The following CENPVL3 variants were observed in gnomAD, a reference collection of about 807,000 sequenced individuals.
CENPVL3 encodes the protein centromere protein V like 3, also known as centromere protein V-like protein 3.
At position 51,618,569 on chromosome X, in the gene CENPVL3, C is replaced by A. The variant is rs1922333507; in HGVS notation, c.305G>T (p.Arg102Leu). Residue 102 changes from arginine to leucine, a missense_variant, in exon 1 of 1, where the codon CGC becomes CTC. By Grantham distance (102) the Arg-to-Leu change is moderately radical. Transcript: ENST00000417339. Reference sequence around the variant, plus strand: ...CCACAGTTTCCTGAACGTCTCCCAGCGCTCCCGCTGTGCGCCCAGGTCCAG... The same window carrying A: ...CCACAGTTTCCTGAACGTCTCCCAGAGCTCCCGCTGTGCGCCCAGGTCCAG... ...KELDLGAQRE[R>L]WETFRKLWGL... is the part of the protein sequence containing the mutation. The A allele has an allele frequency of 3.4e-6, 1 of 296,925 alleles. No individual in the cohort carries two copies. The highest frequency in any genetic ancestry group is 5.9e-6 in the Non-Finnish European group (1 of 170,161). The allele number at this position is 296,925 out of a possible 1,213,427, so 24.5% of individuals were successfully genotyped here.
chrX:51,618,805 G>C lies in CENPVL3; in HGVS notation c.69C>G (p.Ala23=). Residue 23 remains alanine (A), a synonymous_variant, in exon 1 of 1, where the codon GCC becomes GCG. Transcript: ENST00000417339. ...RRRKRPGDPP[A]ACAAIAVMGA... Reference sequence around the variant, plus strand: ...CCATGACCGCGATGGCCGCGCAGGCGGCGGGAGGATCCCCGGGCCGCTTTC... The same window carrying C: ...CCATGACCGCGATGGCCGCGCAGGCCGCGGGAGGATCCCCGGGCCGCTTTC... The C allele has an allele frequency of 3.4e-6, 1 of 297,731 alleles. No homozygotes were observed. Among genetic ancestry groups the C allele is most frequent in the Non-Finnish European group, 5.9e-6 (1 of 170,071 alleles). The allele number at this position is 297,731 out of a possible 1,213,427, so 24.5% of individuals were successfully genotyped here.
rs1486572404 is a variant in CENPVL3, at chrX:51,617,362, A to G, written c.*693T>C. 6 of 111,993 alleles carry G rather than the reference A, an allele frequency of 5.4e-5. No individual in the cohort carries two copies. The highest frequency in any genetic ancestry group is 2.8e-4 in the Admixed American group (3 of 10,567). 9.2% of individuals were successfully genotyped at this position (111,993 alleles called of 1,213,427 possible). A position where few individuals can be genotyped will look rare whatever the true frequency, so the allele number is the denominator to read the frequency against. On this transcript the variant is annotated 3_prime_UTR_variant, in exon 1 of 1. Transcript: ENST00000417339. ...TTACACATGTATAAGATAGGTATTT[A>G]GAAAGATTAAAGAGGGCATACAGCA...
In CENPVL3 at chrX:51,617,241, T is replaced by C. The variant is rs782156910; in HGVS notation, c.*814A>G. 3.3e-4 allele frequency: 37 copies of C among 112,207 alleles called. No homozygotes were observed. The highest frequency in any genetic ancestry group is 1.2e-3 in the African/African-American group (36 of 30,928). 9.2% of individuals were successfully genotyped at this position (112,207 alleles called of 1,213,427 possible). On this transcript the variant is annotated 3_prime_UTR_variant, in exon 1 of 1. Transcript: ENST00000417339. ...CTGATTGTTTGATAAAAATTTCAGA[T>C]ACCAAGAATTACATATAAATTAGAG...
rs782298990 is a variant in CENPVL3, at chrX:51,617,737, T to A, written c.*318A>T. 1.6e-5 allele frequency: 3 copies of A among 183,137 alleles called. No individual in the cohort carries two copies. In the South Asian group the frequency reaches 1.0e-3, roughly 61 times the overall value. The allele number at this position is 183,137 out of a possible 1,213,427, so 15.1% of individuals were successfully genotyped here. A position where few individuals can be genotyped will look rare whatever the true frequency, so the allele number is the denominator to read the frequency against. Reference sequence around the variant, plus strand: ...AGGAACGTACAGTACACAGGAATCATCTGCAGGTGATTTGTGACAACTGTA... The same window carrying A: ...AGGAACGTACAGTACACAGGAATCAACTGCAGGTGATTTGTGACAACTGTA... On this transcript the variant is annotated 3_prime_UTR_variant, in exon 1 of 1. Transcript: ENST00000417339.
At position 51,617,105 on chromosome X, in the gene CENPVL3, A is replaced by T. The variant is rs781949122; in HGVS notation, c.*950T>A. On this transcript the variant is annotated 3_prime_UTR_variant, in exon 1 of 1. Transcript: ENST00000417339. ...ATTATTACACTGAAAGTTGGAAAAA[A>T]GCTAAACATCCATCAGAGGAGGTTG... 1 of 111,981 alleles carries T rather than the reference A, an allele frequency of 8.9e-6. No homozygotes were observed. Among genetic ancestry groups the T allele is most frequent in the South Asian group, 3.8e-4 (1 of 2,655 alleles). 9.2% of individuals were successfully genotyped at this position (111,981 alleles called of 1,213,427 possible). A position where few individuals can be genotyped will look rare whatever the true frequency, so the allele number is the denominator to read the frequency against.
Position 51,618,783 on chromosome X carries a change from T to A in CENPVL3, c.91A>T (p.Met31Leu). The A allele has an allele frequency of 3.4e-6, 1 of 297,430 alleles. No individual in the cohort carries two copies. 24.5% of individuals were successfully genotyped at this position (297,430 alleles called of 1,213,427 possible). A position where few individuals can be genotyped will look rare whatever the true frequency, so the allele number is the denominator to read the frequency against. The change falls in exon 1 of 1, where the codon ATG becomes TTG. Residue 31 changes from methionine to leucine, a missense_variant. By Grantham distance (15) the Met-to-Leu change is conservative. Coordinates refer to ENST00000417339, the MANE Select transcript of CENPVL3 (RefSeq NM_001355276.2). The stretch of plus-strand genomic sequence containing the variant: ...GGGCACTGCGCGCGGCTGGCGCCCA[T>A]GACCGCGATGGCCGCGCAGGCGGCG... Reference protein sequence around the residue: ...PPAACAAIAVMGASRAQCPRV... With the variant: ...PPAACAAIAVLGASRAQCPRV...
chrX:51,618,841 C>T lies in CENPVL3; in HGVS notation c.33G>A (p.Gln11=). The T allele has an allele frequency of 3.4e-6, 1 of 298,036 alleles. No homozygotes were observed. Among genetic ancestry groups the T allele is most frequent in the East Asian group, 4.7e-5 (1 of 21,055 alleles). 24.6% of individuals were successfully genotyped at this position (298,036 alleles called of 1,213,427 possible). A position where few individuals can be genotyped will look rare whatever the true frequency, so the allele number is the denominator to read the frequency against. The change falls in exon 1 of 1, where the codon CAG becomes CAA. Residue 11 remains glutamine (Q), a synonymous_variant. Transcript: ENST00000417339. MGRVRNRATA[Q]RRRRKRPGDP... Reference sequence around the variant, plus strand: ...CCCCGGGCCGCTTTCGCCTCCGCCGCTGAGCAGTGGCGCGGTTCCTCACTC... The same window carrying T: ...CCCCGGGCCGCTTTCGCCTCCGCCGTTGAGCAGTGGCGCGGTTCCTCACTC...
rs3098496 is a variant in CENPVL3 at position 51,617,671 on chromosome X, C to G, written c.*384G>C. The G allele has an allele frequency of 0.1, 13,780 of 136,862 alleles. 686 individuals carry two copies. The highest frequency in any genetic ancestry group is 0.14 in the Middle Eastern group (46 of 337). The allele number at this position is 136,862 out of a possible 1,213,427, so 11.3% of individuals were successfully genotyped here. A position where few individuals can be genotyped will look rare whatever the true frequency, so the allele number is the denominator to read the frequency against. On this transcript the variant is annotated 3_prime_UTR_variant, in exon 1 of 1. Coordinates refer to ENST00000417339, the MANE Select transcript of CENPVL3 (RefSeq NM_001355276.2). ...GTGTGTTGCCGTCCTACACACCAGA[C>G]GCAAAGCGCTGAAAACAACAAGCCT...
Position 51,618,664 on chromosome X carries a change from C to G in CENPVL3, c.210G>C (p.Ala70=), listed in dbSNP as rs1335284111. The change falls in exon 1 of 1, where the codon GCG becomes GCC. Residue 70 remains alanine (A), a synonymous_variant. Coordinates refer to ENST00000417339, the MANE Select transcript of CENPVL3 (RefSeq NM_001355276.2). ...CGGAGGGCAGCGGATCTCTGGAGCC[C>G]GCCTCCCGGGCCCGCCGCCACCGGC... is the stretch of plus-strand genomic sequence containing the variant. ...RKRRWRRARE[A]GSRDPLPSAP... The G allele has an allele frequency of 3.4e-6, 1 of 297,653 alleles. No individual in the cohort carries two copies. Among genetic ancestry groups the G allele is most frequent in the Non-Finnish European group, 5.9e-6 (1 of 170,067 alleles). 24.5% of individuals were successfully genotyped at this position (297,653 alleles called of 1,213,427 possible). A position where few individuals can be genotyped will look rare whatever the true frequency, so the allele number is the denominator to read the frequency against.
In CENPVL3 at chrX:51,617,551, AAGT is replaced by A. The variant is rs1396274691; in HGVS notation, c.*501_*503del. 8.7e-6 allele frequency: 1 copy of A among 114,416 alleles called. No individual in the cohort carries two copies. Among genetic ancestry groups the A allele is most frequent in the Non-Finnish European group, 1.8e-5 (1 of 54,854 alleles). The allele number at this position is 114,416 out of a possible 1,213,427, so 9.4% of individuals were successfully genotyped here. A position where few individuals can be genotyped will look rare whatever the true frequency, so the allele number is the denominator to read the frequency against. On this transcript the variant is annotated 3_prime_UTR_variant, in exon 1 of 1. Coordinates refer to ENST00000417339, the MANE Select transcript of CENPVL3 (RefSeq NM_001355276.2). ...ATAAAAAACACTAGATAACTGGACT[AAGT>A]AGTGCAAACGTGAATGTCTATCTAA...
chrX:51,618,610 G>C lies in CENPVL3; in HGVS notation c.264C>G (p.Ala88=), dbSNP rs782064503. Residue 88 remains alanine, a synonymous_variant, in exon 1 of 1, where the codon GCC becomes GCG. Coordinates refer to ENST00000417339, the MANE Select transcript of CENPVL3 (RefSeq NM_001355276.2). ...SAPLPDPPAP[A]ESPKELDLGA... ...CCAGGTCCAGCTCCTTAGGGGACTC[G>C]GCGGGCGCCGGCGGGTCCGGGAGTG... 3.0e-5 allele frequency: 9 copies of C among 296,626 alleles called. No individual in the cohort carries two copies. In the South Asian group the frequency reaches 1.0e-3, roughly 33 times the overall value. 24.4% of individuals were successfully genotyped at this position (296,626 alleles called of 1,213,427 possible).
Position 51,618,254 on chromosome X carries a change from T to C in CENPVL3, c.620A>G (p.Gln207Arg), listed in dbSNP as rs1922325349. The change falls in exon 1 of 1, where the codon CAG becomes CGG. Residue 207 changes from glutamine (Q) to arginine (R), a missense_variant. By Grantham distance (43) the Gln-to-Arg change is conservative. Transcript: ENST00000417339. ...GTCAGAGACAGCTGCGTGGAAACTC[T>C]GCACCCCGCACCTGCTGCAGAAGCT... ...LHSFCSRCGV[Q>R]SFHAAVSDPR... The C allele has an allele frequency of 4.0e-6, 1 of 252,583 alleles. No homozygotes were observed. Among genetic ancestry groups the C allele is most frequent in the Non-Finnish European group, 6.5e-6 (1 of 154,033 alleles). The allele number at this position is 252,583 out of a possible 1,213,427, so 20.8% of individuals were successfully genotyped here.
Position 51,618,734 on chromosome X carries a change from C to T in CENPVL3, c.140G>A (p.Ser47Asn), listed in dbSNP as rs1468852263. Residue 47 changes from serine (S) to asparagine (N), a missense_variant, in exon 1 of 1, where the codon AGC (serine) becomes AAC (asparagine). Ser to Asn is a conservative substitution (Grantham distance 46). Coordinates refer to ENST00000417339, the MANE Select transcript of CENPVL3 (RefSeq NM_001355276.2). ...QCPRVQVGVG[S>N]HAAAKRWLGK... ...CAGCCACCTCTTGGCCGCCGCGTGG[C>T]TCCCGACCCCGACTTGGACCCGGGG... 6.7e-6 allele frequency: 2 copies of T among 296,493 alleles called. No homozygotes were observed. Among genetic ancestry groups the T allele is most frequent in the Middle Eastern group, 8.7e-4 (1 of 1,152 alleles). The allele number at this position is 296,493 out of a possible 1,213,427, so 24.4% of individuals were successfully genotyped here.
chrX:51,617,211 C>T lies in CENPVL3; in HGVS notation c.*844G>A, dbSNP rs1922301389. 1 of 111,713 alleles carries T rather than the reference C, an allele frequency of 9.0e-6. No individual in the cohort carries two copies. Among genetic ancestry groups the T allele is most frequent in the East Asian group, 2.8e-4 (1 of 3,567 alleles). 9.2% of individuals were successfully genotyped at this position (111,713 alleles called of 1,213,427 possible). A position where few individuals can be genotyped will look rare whatever the true frequency, so the allele number is the denominator to read the frequency against. On this transcript the variant is annotated 3_prime_UTR_variant, in exon 1 of 1. Transcript: ENST00000417339. Reference sequence around the variant, plus strand: ...TAATACTGATATGTATCATTGAACCCACCACTGATTGTTTGATAAAAATTT... The same window carrying T: ...TAATACTGATATGTATCATTGAACCTACCACTGATTGTTTGATAAAAATTT...
Position 51,618,393 on chromosome X carries a change from G to C in CENPVL3, c.481C>G (p.Leu161Val). Residue 161 changes from leucine (L) to valine (V), a missense_variant, in exon 1 of 1, where the codon CTG becomes GTG. Leu to Val is a conservative substitution (Grantham distance 32). Transcript: ENST00000417339. ...TGGCGGTGCTGCTTCTTCCTGCACA[G>C]CCTGCAGCTGCAATCCACGACGCGC... ...DLRVVDCSCR[L>V]CRKKQHRHFL... The C allele has an allele frequency of 3.5e-6, 1 of 283,142 alleles. No homozygotes were observed. The highest frequency in any genetic ancestry group is 2.4e-4 in the South Asian group (1 of 4,172). The allele number at this position is 283,142 out of a possible 1,213,427, so 23.3% of individuals were successfully genotyped here.
In CENPVL3 at chrX:51,617,442, A is replaced by T. The variant is rs1423294866; in HGVS notation, c.*613T>A. The T allele has an allele frequency of 8.9e-6, 1 of 112,026 alleles. No individual in the cohort carries two copies. The highest frequency in any genetic ancestry group is 3.3e-5 in the African/African-American group (1 of 30,748). The allele number at this position is 112,026 out of a possible 1,213,427, so 9.2% of individuals were successfully genotyped here. On this transcript the variant is annotated 3_prime_UTR_variant, in exon 1 of 1. Coordinates refer to ENST00000417339, the MANE Select transcript of CENPVL3 (RefSeq NM_001355276.2). ...CTCCTTTCCCAGAGACAGTTTCTAA[A>T]ACAAAACTGAGGAAAATACTAACAT... is the stretch of plus-strand genomic sequence containing the variant.
rs1208347991 is a variant in CENPVL3 at position 51,618,472 on chromosome X, G to A, written c.402C>T (p.Thr134=). Residue 134 remains threonine, a synonymous_variant, in exon 1 of 1, where the codon ACC becomes ACT. Transcript: ENST00000417339. ...GGACCGCGCCGCAGTGGCAGCCCCC[G>A]GTGTGATGCACGAGGCCCGGGTACT... ...TFEYPGLVHH[T]GGCHCGAVRF... is the part of the protein sequence containing the mutation. The A allele has an allele frequency of 3.4e-6, 1 of 291,735 alleles. No individual in the cohort carries two copies. The highest frequency in any genetic ancestry group is 2.8e-5 in the African/African-American group (1 of 35,336). The allele number at this position is 291,735 out of a possible 1,213,427, so 24.0% of individuals were successfully genotyped here.
In CENPVL3 at chrX:51,617,643, T is replaced by G. The variant is rs7892235; in HGVS notation, c.*412A>C. 0.026 allele frequency: 3,362 copies of G among 130,386 alleles called. 117 individuals carry two copies. Among genetic ancestry groups the G allele is most frequent in the African/African-American group, 0.099 (3,125 of 31,495 alleles). 10.7% of individuals were successfully genotyped at this position (130,386 alleles called of 1,213,427 possible). On this transcript the variant is annotated 3_prime_UTR_variant, in exon 1 of 1. Transcript: ENST00000417339. ...CGTCCTAGCACATGTTTACAAACTG[T>G]TTGTGTGTTGCCGTCCTACACACCA...
Position 51,618,617 on chromosome X carries a change from G to C in CENPVL3, c.257C>G (p.Ala86Gly), listed in dbSNP as rs1318638998. The C allele has an allele frequency of 2.0e-5, 6 of 296,676 alleles. No homozygotes were observed. The highest frequency in any genetic ancestry group is 8.8e-4 in the Middle Eastern group (1 of 1,131). 24.4% of individuals were successfully genotyped at this position (296,676 alleles called of 1,213,427 possible). A position where few individuals can be genotyped will look rare whatever the true frequency, so the allele number is the denominator to read the frequency against. The change falls in exon 1 of 1, where the codon GCG becomes GGG. Residue 86 changes from alanine to glycine, a missense_variant. Ala to Gly is a moderately conservative substitution (Grantham distance 60). Transcript: ENST00000417339. ...CAGCTCCTTAGGGGACTCGGCGGGCGCCGGCGGGTCCGGGAGTGGCGCGGA... is the reference window on the plus strand; with the variant it reads ...CAGCTCCTTAGGGGACTCGGCGGGCCCCGGCGGGTCCGGGAGTGGCGCGGA... ...LPSAPLPDPPAPAESPKELDL... is the reference protein window; with the variant it reads ...LPSAPLPDPPGPAESPKELDL...
Sources: allele counts gnomAD v4.1 joint callset, GRCh38; gene constraint gnomAD v4.1.1; transcripts MANE v1.5; gene names NCBI Gene and HGNC (gene_info 2026-07-23, HGNC 2026-07-21).